Variants in RSPRY1 observed in about 807,000 individuals in gnomAD.
RSPRY1 encodes the protein ring finger and SPRY domain containing 1.
RSPRY1 carries 23 observed loss-of-function variants against 73.1 expected under a neutral mutation model. The observed-to-expected ratio is 0.31, with a 90% CI of 0.23 to 0.45. The LOEUF is 0.45. RSPRY1 is among the 20% of genes least tolerant of loss of function. RSPRY1 has a pLI of 1.00. For synonymous variants in RSPRY1, 226 were observed against 251.4 expected, an observed-to-expected ratio of 0.90 and a Z score of 0.95; for missense variants, 448 against 698.7, an observed-to-expected ratio of 0.64 and a Z score of 4.05.
At chr16:57,211,443 C>T (rs1418852670) in intron 4 of RSPRY1, among the ~76,000 whole-genome samples, 2 of 152,102 alleles carry the variant, frequency 1.3e-5, no homozygotes, top group African/African-American at 4.8e-5. Context: ...ATGGCGTGCA[C>T]CTGTAATCCC....
In RSPRY1 at chr16:57,221,252, A is replaced by C; in HGVS notation, c.1018-20A>C. 6.2e-7 allele frequency: 1 copy of C among 1,612,886 alleles called. No individual in the cohort carries two copies. Among genetic ancestry groups the C allele is most frequent in the East Asian group, 2.2e-5 (1 of 44,868 alleles). ...CTTCAGGCCCTCATAGTTGATTGAC[A>C]CATTTTTTGGTTTTGCCAGGCTCGC... On this transcript the variant is annotated intron_variant, in intron 9 of 14. Coordinates refer to ENST00000394420, the MANE Select transcript of RSPRY1 (RefSeq NM_133368.3).
At chr16:57,207,622 T>A in intron 2 of RSPRY1, 1 of 456,754 alleles carries the variant, frequency 2.2e-6, no homozygotes, top group Non-Finnish European at 4.4e-6. Context: ...GATGCGTATA[T>A]AGGCCCTTGC....
At chr16:57,192,435 G>T (rs544152757) in intron 1 of RSPRY1, among the ~76,000 whole-genome samples, 1 of 152,208 alleles carries the variant, frequency 6.6e-6, no homozygotes, top group East Asian at 1.9e-4. Flanking sequence ...TATTTTTTGG[G>T]AGTCCAAGGC....
At position 57,204,630 on chromosome 16, in the gene RSPRY1, C is replaced by T. The variant is rs1339851562; in HGVS notation, c.-29C>T. ...ATTCCTCAACTCCAGGTTATGAAAACAGTACTTGGAAAACTGAAAACTACC... is the reference window on the plus strand; with the variant it reads ...ATTCCTCAACTCCAGGTTATGAAAATAGTACTTGGAAAACTGAAAACTACC... On this transcript the variant is annotated 5_prime_UTR_variant, in exon 2 of 15. Coordinates refer to ENST00000394420, the MANE Select transcript of RSPRY1 (RefSeq NM_133368.3). The T allele has an allele frequency of 1.9e-6, 3 of 1,596,272 alleles. No homozygotes were observed. The highest frequency in any genetic ancestry group is 2.6e-6 in the Non-Finnish European group (3 of 1,167,198).
chr16:57,213,759 A>G (rs770286447), intron 5 of RSPRY1, 129 bp from the exon 6 acceptor site: 8 of 726,546 alleles, frequency 1.1e-5, no homozygotes, highest in East Asian at 7.5e-5. Context: ...ACTATTTTCT[A>G]CCTCAGAGCA....
At chr16:57,204,095 AT>A (rs1300229338) in intron 1 of RSPRY1, among the ~76,000 whole-genome samples, 1 of 152,288 alleles carries the variant, frequency 6.6e-6, no homozygotes, top group East Asian at 1.9e-4. Context: ...GAGTTAATTC[AT>A]TTTTTTAAAG....
intron 11 of RSPRY1, among the ~76,000 whole-genome samples, chr16:57,228,272 C>CAAAAAAAA (rs34368338): frequency 1.4e-5 from 1 of 72,074 alleles, no homozygotes; most frequent in African/African-American, 5.3e-5. Flanking sequence ...GACTCCATCT[C>CAAAAAAAA]AAAAAAAAAA....
At position 57,221,388 on chromosome 16, in the gene RSPRY1, C is replaced by T; in HGVS notation, c.1134C>T (p.Ala378=). The T allele has an allele frequency of 6.2e-7, 1 of 1,613,842 alleles. No individual in the cohort carries two copies. The highest frequency in any genetic ancestry group is 1.1e-5 in the South Asian group (1 of 91,026). The change falls in exon 10 of 15, where the codon GCC becomes GCT. Residue 378 remains alanine, a synonymous_variant. Transcript: ENST00000394420. ...CTGGCGTCATGCAGATTGGCTGGGC[C>T]ACTCGAGACAGCAAATTCCTCAATC... is the stretch of plus-strand genomic sequence containing the variant. ...VTSGVMQIGW[A]TRDSKFLNHE...
intron 6 of RSPRY1, among the ~76,000 whole-genome samples, chr16:57,214,780 G>C (rs963569415): frequency 6.6e-6 from 1 of 152,238 alleles, no homozygotes; most frequent in East Asian, 1.9e-4. Flanking sequence ...TATAAGCCCG[G>C]CATTTTGGGA....
intron 13 of RSPRY1, among the ~76,000 whole-genome samples, chr16:57,232,457 C>G (rs919656122): frequency 8.5e-5 from 13 of 152,176 alleles, no homozygotes; most frequent in African/African-American, 3.1e-4. Context: ...TCAGGCTCAT[C>G]CTTGGTGCCT....
intron 7 of RSPRY1, 39 bp from the exon 8 acceptor site, chr16:57,216,865 C>G (rs754914806): frequency 6.3e-7 from 1 of 1,597,352 alleles, no homozygotes; most frequent in African/African-American, 1.3e-5. Flanking sequence ...TCATTCTACC[C>G]TTTCATTGTT....
chr16:57,208,396 A>T (rs199860308), intron 3 of RSPRY1, among the ~76,000 whole-genome samples: 2,823 of 37,978 alleles, frequency 0.074, 120 homozygotes, highest in Middle Eastern at 0.15. Flanking sequence ...ATATATATAT[A>T]TATATTTTTT....
chr16:57,225,121 C>T (rs569855535), intron 10 of RSPRY1, among the ~76,000 whole-genome samples: 1 of 152,236 alleles, frequency 6.6e-6, no homozygotes, highest in South Asian at 2.1e-4. Context: ...TGCAGTGGCA[C>T]GTGATCTCTG....
chr16:57,216,177 G>GAAAATAAATTGACTATTTCTGAATCCA lies in RSPRY1; in HGVS notation c.769+4_769+5insAAAATAAATTGACTATTTCTGAATCCA. 1 of 1,604,548 alleles carries GAAAATAAATTGACTATTTCTGAATCCA rather than the reference G, an allele frequency of 6.2e-7. No individual in the cohort carries two copies. The highest frequency in any genetic ancestry group is 1.7e-5 in the Admixed American group (1 of 59,908). ...CTGGAAAAGTTTGCACAGACAAGTAGGTATAGTGACTTCTTGCACTAATGA... is the reference window on the plus strand; with the variant it reads ...CTGGAAAAGTTTGCACAGACAAGTAGAAAATAAATTGACTATTTCTGAATCCAGTATAGTGACTTCTTGCACTAATGA... On this transcript the variant is annotated splice_donor_region_variant and intron_variant, in intron 7 of 14. Transcript: ENST00000394420.
chr16:57,191,303 T>C (rs2074348458), intron 1 of RSPRY1, among the ~76,000 whole-genome samples: 1 of 152,226 alleles, frequency 6.6e-6, no homozygotes, highest in East Asian at 1.9e-4. Flanking sequence ...TATTGCTTCA[T>C]AGTTGTTCAT....
chr16:57,229,724 G>A (rs1187026053), intron 11 of RSPRY1, among the ~76,000 whole-genome samples: 1 of 37,404 alleles, frequency 2.7e-5, no homozygotes, highest in Non-Finnish European at 4.8e-5. Flanking sequence ...TTTTTTTTTT[G>A]AGATGCAGTC....
At chr16:57,194,106 G>A (rs965868915) in intron 1 of RSPRY1, among the ~76,000 whole-genome samples, 1 of 152,032 alleles carries the variant, frequency 6.6e-6, no homozygotes, top group African/African-American at 2.4e-5. Context: ...ATGTAAATTC[G>A]ACTCCTAAAA....
At chr16:57,221,952 T>C (rs1398264127) in intron 10 of RSPRY1, among the ~76,000 whole-genome samples, 1 of 152,210 alleles carries the variant, frequency 6.6e-6, no homozygotes, top group Admixed American at 6.5e-5. Context: ...GCATTGAAGG[T>C]GTTGGAGTTC....
At chr16:57,207,074 C>A (rs553864847) in intron 2 of RSPRY1, among the ~76,000 whole-genome samples, 9 of 152,312 alleles carry the variant, frequency 5.9e-5, no homozygotes, top group African/African-American at 2.2e-4. Context: ...TTTGTTCTTA[C>A]AAACAGCACT....
Sources: allele counts gnomAD v4.1 joint callset (sites outside exome capture counted in the v4.1 genomes callset), GRCh38; gene constraint gnomAD v4.1.1; transcripts MANE v1.5; gene names NCBI Gene and HGNC (gene_info 2026-07-23, HGNC 2026-07-21).